Variants in MAGI2 observed in about 807,000 individuals in gnomAD.
MAGI2 encodes membrane-associated guanylate kinase, WW and PDZ domain-containing protein 2.
A neutral mutation model predicts 133.3 loss-of-function variants in MAGI2; 35 were observed. The observed-to-expected ratio is 0.26, with a 90% CI of 0.20 to 0.35. The LOEUF (loss-of-function observed/expected upper bound fraction) is 0.35. MAGI2 is among the 10% of genes least tolerant of loss of function. The probability of loss-of-function intolerance (pLI) is 1.00; values close to 1 mark genes in which losing one functional copy is unlikely to be tolerated. For synonymous variants in MAGI2, 729 were observed against 710.6 expected (o/e 1.03, Z -0.41); for missense variants, 1,636 against 1,863.4 (o/e 0.88, Z 2.25).
intron 1 of MAGI2, among the ~76,000 whole-genome samples, chr7:79,130,413 G>T (rs6976600): frequency 5.3e-5 from 8 of 152,160 alleles, no homozygotes; most frequent in African/African-American, 1.9e-4. Context: ...GAAACCTGAA[G>T]AATGAAGATT....
chr7:78,199,741 A>G (rs563471530), intron 11 of MAGI2, among the ~76,000 whole-genome samples: 1 of 152,358 alleles, frequency 6.6e-6, no homozygotes, highest in Admixed American at 6.5e-5. Context: ...TTTTGTAGAA[A>G]TACATGGATT....
At chr7:78,336,833 G>A (rs761650301) in intron 9 of MAGI2, among the ~76,000 whole-genome samples, 2 of 152,126 alleles carry the variant, frequency 1.3e-5, no homozygotes, top group Non-Finnish European at 2.9e-5. Flanking sequence ...TAGGATGCTC[G>A]CGAGTTTTTC....
At chr7:79,281,027 A>G (rs1835602314) in intron 1 of MAGI2, among the ~76,000 whole-genome samples, 1 of 151,370 alleles carries the variant, frequency 6.6e-6, no homozygotes, top group Non-Finnish European at 1.5e-5. Flanking sequence ...AACTGTTTCA[A>G]ATAAGTGACA....
chr7:79,223,654 C>T (rs1308433107), intron 1 of MAGI2, among the ~76,000 whole-genome samples: 5 of 151,808 alleles, frequency 3.3e-5, no homozygotes, highest in Non-Finnish European at 7.4e-5. Context: ...ATAGTGAGAC[C>T]CTGTCTCTAC....
chr7:79,362,212 G>A (rs1359654556), intron 1 of MAGI2, among the ~76,000 whole-genome samples: 5 of 151,992 alleles, frequency 3.3e-5, no homozygotes, highest in Non-Finnish European at 7.4e-5. Flanking sequence ...GATGCTGTGT[G>A]CATTAACCAG....
chr7:78,118,316 A>C (rs1178035489), intron 20 of MAGI2, among the ~76,000 whole-genome samples: 1 of 152,200 alleles, frequency 6.6e-6, no homozygotes, highest in Non-Finnish European at 1.5e-5. Flanking sequence ...ATATGACACA[A>C]AAGGCATAAT....
intron 3 of MAGI2, among the ~76,000 whole-genome samples, chr7:78,625,779 T>C (rs1049976430): frequency 1.3e-5 from 2 of 152,176 alleles, no homozygotes; most frequent in Admixed American, 1.3e-4. Context: ...TATGATTAGG[T>C]GTGTTTAGAT....
intron 1 of MAGI2, among the ~76,000 whole-genome samples, chr7:79,440,462 C>A (rs1018752889): frequency 1.3e-5 from 2 of 151,946 alleles, no homozygotes; most frequent in Non-Finnish European, 2.9e-5. Context: ...TAAAAAATTT[C>A]TTGAGCCCTA....
chr7:78,644,383 T>G (rs914914306), intron 2 of MAGI2, among the ~76,000 whole-genome samples: 8 of 152,036 alleles, frequency 5.3e-5, no homozygotes, highest in African/African-American at 1.9e-4. Flanking sequence ...ACATGAAAAA[T>G]TTATAAAGAT....
intron 6 of MAGI2, among the ~76,000 whole-genome samples, chr7:78,473,223 A>C (rs1352173443): frequency 6.6e-6 from 1 of 152,054 alleles, no homozygotes; most frequent in Admixed American, 6.6e-5. Context: ...ATCTGATCCC[A>C]TTACTTAGCT....
intron 1 of MAGI2, among the ~76,000 whole-genome samples, chr7:79,362,272 T>C (rs966054706): frequency 1.3e-5 from 2 of 152,102 alleles, no homozygotes; most frequent in African/African-American, 4.8e-5. Context: ...TTCAGCAACT[T>C]AGAAGAAATG....
chr7:79,098,842 A>G (rs575294531), intron 1 of MAGI2, among the ~76,000 whole-genome samples: 3 of 152,170 alleles, frequency 2.0e-5, no homozygotes, highest in Non-Finnish European at 2.9e-5. Flanking sequence ...GAGGAGAGAG[A>G]AAGGGGAGGG....
intron 3 of MAGI2, among the ~76,000 whole-genome samples, chr7:78,543,606 G>A (rs185857150): frequency 2.0e-5 from 3 of 152,336 alleles, no homozygotes; most frequent in Admixed American, 1.3e-4. Flanking sequence ...CCTCATAGGA[G>A]TGAATAGTAA....
chr7:79,204,978 T>C (rs535737310), intron 1 of MAGI2, among the ~76,000 whole-genome samples: 2 of 151,852 alleles, frequency 1.3e-5, no homozygotes, highest in African/African-American at 4.8e-5. Context: ...ATGGGACTTA[T>C]GAAACATCAT....
chr7:78,342,326 G>A (rs1442689769), intron 9 of MAGI2, among the ~76,000 whole-genome samples: 1 of 152,180 alleles, frequency 6.6e-6, no homozygotes, highest in East Asian at 1.9e-4. Context: ...AGGGGATGTG[G>A]AGAAACACGA....
chr7:78,870,646 C>T (rs945999350), intron 2 of MAGI2, among the ~76,000 whole-genome samples: 8 of 151,964 alleles, frequency 5.3e-5, no homozygotes, highest in South Asian at 4.2e-4. Flanking sequence ...ATGGAGATTC[C>T]GTAAAGAGGT....
At chr7:78,092,016 A>G (rs1275385786) in intron 20 of MAGI2, among the ~76,000 whole-genome samples, 2 of 152,212 alleles carry the variant, frequency 1.3e-5, no homozygotes, top group East Asian at 1.9e-4. Context: ...CCTGGTCACT[A>G]TAACTACCTT....
At chr7:78,203,415 A>G (rs1829450073) in intron 10 of MAGI2, among the ~76,000 whole-genome samples, 1 of 152,320 alleles carries the variant, frequency 6.6e-6, no homozygotes, top group South Asian at 2.1e-4. Context: ...TGGTGTAAGC[A>G]GGAGCCTGGT....
intron 1 of MAGI2, among the ~76,000 whole-genome samples, chr7:79,280,378 A>T (rs1475690558): frequency 6.6e-6 from 1 of 152,136 alleles, no homozygotes; most frequent in Non-Finnish European, 1.5e-5. Flanking sequence ...TTGATATTGT[A>T]TGTAGGAGAT....
Sources: allele counts gnomAD v4.1 joint callset (sites outside exome capture counted in the v4.1 genomes callset), GRCh38; gene constraint gnomAD v4.1.1; transcripts MANE v1.5; gene names NCBI Gene and HGNC (gene_info 2026-07-23, HGNC 2026-07-21).